The following DGKI variants were observed in gnomAD, a reference collection of about 807,000 sequenced individuals.
DGKI encodes DAG kinase iota.
In DGKI, 55 loss-of-function variants were observed where a neutral mutation model predicts 147.5. The observed-to-expected ratio is 0.37, with a 90% CI of 0.30 to 0.47. DGKI has a LOEUF of 0.47. Among genes scored for constraint, DGKI ranks in the 20% least tolerant of loss-of-function variants. The pLI is 1.00. For synonymous variants in DGKI, 469 were observed against 477.1 expected (o/e 0.98, Z 0.22); for missense variants, 1,007 against 1,323.8 (o/e 0.76, Z 3.71).
chr7:137,838,496 GTTTT>G (rs562496056), intron 1 of DGKI, among the ~76,000 whole-genome samples: 1 of 149,956 alleles, frequency 6.7e-6, no homozygotes, highest in South Asian at 2.1e-4. Flanking sequence ...TTGCTTTCAA[GTTTT>G]TTTTTTAAAA....
chr7:137,757,519 C>T lies in DGKI; in HGVS notation c.402-67517G>A, dbSNP rs570196155. ...CTTTCATGCCCCAGCTAGTCCCATACGGTAAGGAGTCCCAACATTCTCTCC... is the reference window on the plus strand; with the variant it reads ...CTTTCATGCCCCAGCTAGTCCCATATGGTAAGGAGTCCCAACATTCTCTCC... On this transcript the variant is annotated intron_variant, in intron 1 of 32. Coordinates refer to ENST00000614521, the MANE Select transcript of DGKI (RefSeq NM_001321708.2). 4.9e-4 allele frequency among the ~76,000 whole-genome samples: 74 copies of T among 152,260 alleles called. 1 individual carries two copies. Among genetic ancestry groups the T allele is most frequent in the African/African-American group, 1.7e-3 (72 of 41,550 alleles).
In DGKI at chr7:137,527,803, C is replaced by A. The variant is rs1817204295; in HGVS notation, c.2148-5837G>T. ...TGATTTAATAGTAATAATGAATTGCCTTAACTTCTTTCAAGCAATTCTACC... is the reference window on the plus strand; with the variant it reads ...TGATTTAATAGTAATAATGAATTGCATTAACTTCTTTCAAGCAATTCTACC... On this transcript the variant is annotated intron_variant, in intron 20 of 32. Coordinates refer to ENST00000614521, the MANE Select transcript of DGKI (RefSeq NM_001321708.2). Among the ~76,000 whole-genome samples, 5 of 152,132 alleles carry A rather than the reference C, an allele frequency of 3.3e-5. No homozygotes were observed. In the South Asian group the frequency reaches 1.0e-3, roughly 32 times the overall value.
chr7:137,514,655 A>C (rs1197455549), intron 21 of DGKI, among the ~76,000 whole-genome samples: 1 of 152,192 alleles, frequency 6.6e-6, no homozygotes, highest in Non-Finnish European at 1.5e-5. Context: ...AGGTCAAAAC[A>C]TCAGAGGCAA....
chr7:137,623,599 T>C (rs1167043810), intron 6 of DGKI, 45 bp from the exon 7 acceptor site: 3 of 1,553,086 alleles, frequency 1.9e-6, no homozygotes, highest in Non-Finnish European at 2.7e-6. Context: ...ACCACCTCAG[T>C]TACAGCGCAC....
chr7:137,555,621 G>A (rs17372605), intron 19 of DGKI, among the ~76,000 whole-genome samples: 6,652 of 152,024 alleles, frequency 0.044, 250 homozygotes, highest in African/African-American at 0.098. Context: ...ACAATAAATC[G>A]AAAAACCTAG....
At position 137,572,901 on chromosome 7, in the gene DGKI, A is replaced by G. The variant is rs1818841330; in HGVS notation, c.1762-63T>C. The G allele has an allele frequency of 1.5e-5, 19 of 1,254,848 alleles. No individual in the cohort carries two copies. In the South Asian group the frequency reaches 2.5e-4, roughly 17 times the overall value. 77.7% of individuals were successfully genotyped at this position (1,254,848 alleles called of 1,614,324 possible). A position where few individuals can be genotyped will look rare whatever the true frequency, so the allele number is the denominator to read the frequency against. Reference sequence around the variant, plus strand: ...TCACAAGTCTAAAAACCTATGAAAGATAACTAGTTTGACAATAGTACACAC... The same window carrying G: ...TCACAAGTCTAAAAACCTATGAAAGGTAACTAGTTTGACAATAGTACACAC... On this transcript the variant is annotated intron_variant, in intron 17 of 32. Transcript: ENST00000614521.
chr7:137,444,742 T>A (rs1375440193), intron 27 of DGKI, among the ~76,000 whole-genome samples: 1 of 152,174 alleles, frequency 6.6e-6, no homozygotes, highest in Non-Finnish European at 1.5e-5. Flanking sequence ...ATTATGATAA[T>A]CAGATCTCAA....
At chr7:137,555,939 A>C (rs1818209758) in intron 19 of DGKI, among the ~76,000 whole-genome samples, 1 of 150,520 alleles carries the variant, frequency 6.6e-6, no homozygotes, top group Admixed American at 6.6e-5. Context: ...ATTTTATCCT[A>C]AATTATATTC....
rs60494368 is a variant in DGKI at position 137,422,595 on chromosome 7, C to CTTTTTTTTTTTTTTTTTTTT, written c.2762-10408_2762-10389dup. Among the ~76,000 whole-genome samples, 24 of 61,996 alleles carry CTTTTTTTTTTTTTTTTTTTT rather than the reference C, an allele frequency of 3.9e-4. 4 individuals are homozygous for CTTTTTTTTTTTTTTTTTTTT. The highest frequency in any genetic ancestry group is 1.0e-3 in the African/African-American group (16 of 15,408). 40.7% of individuals were successfully genotyped at this position (61,996 alleles called of 152,430 possible). A position where few individuals can be genotyped will look rare whatever the true frequency, so the allele number is the denominator to read the frequency against. ...TTGTAAAGCATTTTCTTTTTCTTTT[C>CTTTTTTTTTTTTTTTTTTTT]TTTTTTTTTTTTTTTTTTTTTTTTT... On this transcript the variant is annotated intron_variant, in intron 28 of 32. Coordinates refer to ENST00000614521, the MANE Select transcript of DGKI (RefSeq NM_001321708.2).
At chr7:137,513,307 G>C (rs1816640022) in intron 21 of DGKI, among the ~76,000 whole-genome samples, 1 of 151,960 alleles carries the variant, frequency 6.6e-6, no homozygotes, top group African/African-American at 2.4e-5. Context: ...TGCTCACCAG[G>C]TTCCATCTTA....
chr7:137,629,011 C>A (rs948779490), intron 6 of DGKI, among the ~76,000 whole-genome samples: 1 of 152,050 alleles, frequency 6.6e-6, no homozygotes, highest in Admixed American at 6.6e-5. Flanking sequence ...CTGATTTGAT[C>A]CAACACAAGA....
At chr7:137,409,426 A>G (rs1228979773) in intron 29 of DGKI, among the ~76,000 whole-genome samples, 3 of 152,134 alleles carry the variant, frequency 2.0e-5, no homozygotes, top group South Asian at 4.1e-4. Context: ...GGACAGGAAC[A>G]TCACAAAGGT....
At chr7:137,493,942 G>T in intron 21 of DGKI, 1 of 561,160 alleles carries the variant, frequency 1.8e-6, no homozygotes, top group African/African-American at 1.9e-5. Context: ...ACAATAAAAT[G>T]ATACAGCAGA....
At position 137,683,913 on chromosome 7, in the gene DGKI, C is replaced by T. The variant is rs573701690; in HGVS notation, c.511-5261G>A. ...GCATGTTTTCTTGCTCAAGTGCTAC[C>T]GAAATTCTAGTAATGGTTACAGGCA... On this transcript the variant is annotated intron_variant, in intron 2 of 32. Coordinates refer to ENST00000614521, the MANE Select transcript of DGKI (RefSeq NM_001321708.2). Among the ~76,000 whole-genome samples, 6 of 152,140 alleles carry T rather than the reference C, an allele frequency of 3.9e-5. No individual in the cohort carries two copies. In the South Asian group the frequency reaches 8.3e-4, roughly 21 times the overall value.
chr7:137,777,638 G>T (rs1202553317), intron 1 of DGKI, among the ~76,000 whole-genome samples: 1 of 152,134 alleles, frequency 6.6e-6, no homozygotes, highest in Non-Finnish European at 1.5e-5. Context: ...GGCATCATTG[G>T]CTCTTTAGTT....
chr7:137,500,332 G>A (rs1261364305), intron 21 of DGKI, among the ~76,000 whole-genome samples: 1 of 152,132 alleles, frequency 6.6e-6, no homozygotes, highest in Non-Finnish European at 1.5e-5. Flanking sequence ...CATTTTACGT[G>A]TGCATGCTCT....
Position 137,552,415 on chromosome 7 carries a change from T to C in DGKI, c.2101A>G (p.Met701Val). Reference sequence around the variant, plus strand: ...GTTCTCCTCTTGCTCTTCTGTACCATGTTGGCCTGATTCCTCAGGGAGATC... The same window carrying C: ...GTTCTCCTCTTGCTCTTCTGTACCACGTTGGCCTGATTCCTCAGGGAGATC... The part of the protein sequence containing the change: ...IRISLRNQAN[M>V]VQKSKRRTSM... Residue 701 changes from methionine (M) to valine (V), a missense_variant, in exon 20 of 33, where the codon ATG becomes GTG. Coordinates refer to ENST00000614521, the MANE Select transcript of DGKI (RefSeq NM_001321708.2). 1 of 1,613,992 alleles carries C rather than the reference T, an allele frequency of 6.2e-7. No individual in the cohort carries two copies. Among genetic ancestry groups the C allele is most frequent in the Non-Finnish European group, 8.5e-7 (1 of 1,180,042 alleles).
intron 21 of DGKI, among the ~76,000 whole-genome samples, chr7:137,499,926 G>A (rs904083848): frequency 9.9e-5 from 15 of 152,162 alleles, no homozygotes; most frequent in East Asian, 5.8e-4. Flanking sequence ...GAAGGCAGCC[G>A]TCTGTAAGCA....
At chr7:137,545,280 G>A (rs1209769424) in intron 20 of DGKI, among the ~76,000 whole-genome samples, 1 of 152,072 alleles carries the variant, frequency 6.6e-6, no homozygotes, top group African/African-American at 2.4e-5. Context: ...AGAAAACAAA[G>A]GACAAAGCAG....
Sources: allele counts gnomAD v4.1 joint callset (sites outside exome capture counted in the v4.1 genomes callset), GRCh38; gene constraint gnomAD v4.1.1; transcripts MANE v1.5; gene names NCBI Gene and HGNC (gene_info 2026-07-23, HGNC 2026-07-21).